Variants in SVIL observed in about 807,000 individuals in gnomAD.
SVIL encodes supervillin.
In SVIL, 101 loss-of-function variants were observed where a neutral mutation model predicts 240.4. The observed-to-expected ratio is 0.42, with a 90% confidence interval of 0.36 to 0.50. The LOEUF is 0.50. Among genes scored for constraint, SVIL ranks in the 20% least tolerant of loss-of-function variants. The pLI is 0.01. For synonymous variants in SVIL, 999 were observed against 1,100.0 expected (o/e 0.91, Z 1.82); for missense variants, 2,512 against 2,818.7 (o/e 0.89, Z 2.46).
Position 29,522,477 on chromosome 10 carries a change from C to T in SVIL, c.3322G>A (p.Glu1108Lys). ...KNPCAMFAAG[E>K]IKTPTGEGLL... ...CCCTCCCCTGTCGGCGTTTTGATCT[C>T]TCCAGCAGCAAACATCGCACATGGA... Residue 1108 changes from glutamate (E) to lysine (K), a missense_variant, in exon 16 of 38, where the codon GAG (glutamate) becomes AAG (lysine). Glu to Lys is a moderately conservative substitution (Grantham distance 56, BLOSUM62 1). Around this residue, in one of 3 missense-constraint regions of SVIL, gnomAD observed 1,443 missense variants for 1,486.6 expected, o/e 0.97. Coordinates refer to ENST00000355867, the MANE Select transcript of SVIL (RefSeq NM_021738.3). 1 of 1,614,206 alleles carries T rather than the reference C, an allele frequency of 6.2e-7. No homozygotes were observed. Among genetic ancestry groups the T allele is most frequent in the Non-Finnish European group, 8.5e-7 (1 of 1,180,044 alleles).
chr10:29,537,524 C>G (rs1951826928), intron 6 of SVIL, among the ~76,000 whole-genome samples: 1 of 152,202 alleles, frequency 6.6e-6, no homozygotes, highest in African/African-American at 2.4e-5. Flanking sequence ...ACTCAGATTA[C>G]TGCCCTGTCT....
intron 7 of SVIL, among the ~76,000 whole-genome samples, chr10:29,535,095 C>T (rs1271725787): frequency 6.6e-6 from 1 of 152,020 alleles, no homozygotes; most frequent in Non-Finnish European, 1.5e-5. Context: ...GTGCACCCTG[C>T]TAAATTTGAT....
At chr10:29,700,445 A>C (rs1206842640) in intron 1 of SVIL, among the ~76,000 whole-genome samples, 1 of 150,906 alleles carries the variant, frequency 6.6e-6, no homozygotes, top group Admixed American at 6.6e-5. Flanking sequence ...CTTATAACAC[A>C]GAGAAGAAAT....
chr10:29,519,159 C>T (rs1950407015), intron 16 of SVIL, among the ~76,000 whole-genome samples: 1 of 152,194 alleles, frequency 6.6e-6, no homozygotes, highest in East Asian at 1.9e-4. Flanking sequence ...TGAGAAAATT[C>T]ATGAAGAAAG....
chr10:29,621,369 G>A (rs1957632346), intron 1 of SVIL, among the ~76,000 whole-genome samples: 2 of 152,252 alleles, frequency 1.3e-5, no homozygotes, highest in African/African-American at 4.8e-5. Context: ...AGGCTGGAGA[G>A]CTCTGTGCGT....
intron 1 of SVIL, among the ~76,000 whole-genome samples, chr10:29,594,136 T>G (rs1418026371): frequency 1.3e-5 from 2 of 152,156 alleles, no homozygotes; most frequent in East Asian, 3.8e-4. Context: ...CAAAACTATT[T>G]AAAATGTTAT....
intron 1 of SVIL, among the ~76,000 whole-genome samples, chr10:29,625,026 A>G (rs1348028087): frequency 6.6e-6 from 1 of 152,196 alleles, no homozygotes; most frequent in East Asian, 1.9e-4. Context: ...ATATACAATC[A>G]GCTTCACCCA....
At chr10:29,544,196 A>C (rs1468653191) in intron 6 of SVIL, among the ~76,000 whole-genome samples, 1 of 152,212 alleles carries the variant, frequency 6.6e-6, no homozygotes, top group East Asian at 1.9e-4. Flanking sequence ...GTCCAGCTCT[A>C]ATTATATAAC....
chr10:29,715,319 T>C (rs1361033767), intron 1 of SVIL, among the ~76,000 whole-genome samples: 2 of 152,220 alleles, frequency 1.3e-5, no homozygotes, highest in East Asian at 3.9e-4. Context: ...TCATAGCCTA[T>C]GATGATTAAT....
At chr10:29,512,555 C>T (rs1173417624) in intron 17 of SVIL, among the ~76,000 whole-genome samples, 180 bp downstream of exon 17, 1 of 152,234 alleles carries the variant, frequency 6.6e-6, no homozygotes, top group African/African-American at 2.4e-5. Flanking sequence ...TAAAACATCT[C>T]CAGGCACAGC....
At chr10:29,690,051 C>T (rs890887385) in intron 1 of SVIL, among the ~76,000 whole-genome samples, 6 of 152,156 alleles carry the variant, frequency 3.9e-5, no homozygotes, top group Admixed American at 6.5e-5. Flanking sequence ...AAAATCTAAA[C>T]GGCTCCAGAG....
chr10:29,656,276 G>T (rs551780165), intron 3 of SVIL, among the ~76,000 whole-genome samples: 1 of 151,584 alleles, frequency 6.6e-6, no homozygotes, highest in African/African-American at 2.4e-5. Flanking sequence ...CAATCTGGAA[G>T]CTTTTTCTAT....
At chr10:29,492,318 G>A (rs891641374) in intron 21 of SVIL, among the ~76,000 whole-genome samples, 1 of 152,070 alleles carries the variant, frequency 6.6e-6, no homozygotes, top group Non-Finnish European at 1.5e-5. Flanking sequence ...AGCTACCCGT[G>A]CTGGGCTGGC....
chr10:29,516,276 T>C (rs1950192915), intron 16 of SVIL, among the ~76,000 whole-genome samples: 1 of 152,126 alleles, frequency 6.6e-6, no homozygotes, highest in South Asian at 2.1e-4. Flanking sequence ...GACTACAGAG[T>C]AACCAGAATA....
rs148571377 is a variant in SVIL, at chr10:29,604,953, C to T, written c.-201+29467G>A. Reference sequence around the variant, plus strand: ...TATATACAGGATTAGGTTCTATCTGCGATTTCAGGAATCCACTGAGGGTCT... The same window carrying T: ...TATATACAGGATTAGGTTCTATCTGTGATTTCAGGAATCCACTGAGGGTCT... On this transcript the variant is annotated intron_variant, in intron 1 of 37. Coordinates refer to ENST00000355867, the MANE Select transcript of SVIL (RefSeq NM_021738.3). Among the ~76,000 whole-genome samples, 523 of 152,276 alleles carry T rather than the reference C, an allele frequency of 3.4e-3. 14 individuals carry two copies. In the South Asian group the frequency reaches 0.072, roughly 21 times the overall value.
rs145560264 is a variant in SVIL at position 29,473,900 on chromosome 10, C to T, written c.5467G>A (p.Val1823Met). 650 of 1,614,058 alleles carry T rather than the reference C, an allele frequency of 4.0e-4. 1 individual carries two copies. Among genetic ancestry groups the T allele is most frequent in the Non-Finnish European group, 3.4e-4 (401 of 1,180,002 alleles). The change falls in exon 30 of 38, where the codon GTG becomes ATG. Residue 1823 changes from valine to methionine, a missense_variant. By Grantham distance (21) the Val-to-Met change is conservative. Transcript: ENST00000355867. ...AGCGCCGACGTGCCCTTCTCACTCA[C>T]GGTGGAGTGCCGGCCTTGCCAGAAG... Reference protein sequence around the residue: ...YFFWQGRHSTVSEKGTSALMT... With the variant: ...YFFWQGRHSTMSEKGTSALMT...
At chr10:29,584,620 C>G (rs190048510) in intron 1 of SVIL, among the ~76,000 whole-genome samples, 1 of 152,204 alleles carries the variant, frequency 6.6e-6, no homozygotes, top group Non-Finnish European at 1.5e-5. Context: ...AACAGAACCC[C>G]GTGCCTCGTT....
rs146903449 is a variant in SVIL at position 29,498,188 on chromosome 10, C to T, written c.3664+928G>A. Among the ~76,000 whole-genome samples, 243 of 149,436 alleles carry T rather than the reference C, an allele frequency of 1.6e-3. 1 individual carries two copies. The highest frequency in any genetic ancestry group is 5.6e-3 in the African/African-American group (230 of 40,750). On this transcript the variant is annotated intron_variant, in intron 18 of 37. Transcript: ENST00000355867. ...ATCCCAGCACTTTGGGAGGTCGAAGCGGGTGGATCACCTGAGGTCAGCAGT... is the reference window on the plus strand; with the variant it reads ...ATCCCAGCACTTTGGGAGGTCGAAGTGGGTGGATCACCTGAGGTCAGCAGT...
chr10:29,734,735 T>C lies in SVIL; in HGVS notation c.-400+1016A>G, dbSNP rs1208672482. On this transcript the variant is annotated intron_variant, in intron 1 of 35. Transcript: ENST00000375400. The stretch of plus-strand genomic sequence containing the variant: ...CAGCAAGCAGAACGTCCTGGGTTTC[T>C]CTTCAATACCACCTCCTCCTCTCCT... Among the ~76,000 whole-genome samples the C allele has an allele frequency of 2.0e-5, 3 of 152,144 alleles. No individual in the cohort carries two copies. The East Asian group carries it at 5.8e-4, about 29-fold the overall frequency.
Sources: gnomAD v4.1 joint callset for allele counts (sites outside exome capture counted in the v4.1 genomes callset) on GRCh38, gnomAD v4.1.1 for gene constraint, gnomAD v4.1.1 regional missense constraint, MANE v1.5 for transcripts, NCBI Gene and HGNC (gene_info 2026-07-23, HGNC 2026-07-21) for gene names.